The following PTPRT variants were observed in gnomAD, a reference collection of about 807,000 sequenced individuals.
PTPRT encodes protein tyrosine phosphatase receptor type T.
In PTPRT, 56 loss-of-function variants were observed where a neutral mutation model predicts 176.8. The observed-to-expected ratio is 0.32, with a 90% confidence interval of 0.26 to 0.40. The LOEUF (loss-of-function observed/expected upper bound fraction) is 0.40. Among genes scored for constraint, PTPRT ranks in the 10% least tolerant of loss-of-function variants. PTPRT has a pLI of 1.00. For missense variants in PTPRT, 1,540 were observed against 1,908.2 expected, an observed-to-expected ratio of 0.81 and a Z score of 3.60; for synonymous variants, 783 against 739.0, an observed-to-expected ratio of 1.06 and a Z score of -0.96.
intron 7 of PTPRT, among the ~76,000 whole-genome samples, chr20:42,544,515 CT>C (rs1445685277): frequency 6.6e-6 from 1 of 152,158 alleles, no homozygotes; most frequent in African/African-American, 2.4e-5. Context: ...CTCAAACTCT[CT>C]ATGTATCAGC....
At chr20:42,531,987 C>T (rs1225130141) in intron 7 of PTPRT, among the ~76,000 whole-genome samples, 1 of 152,200 alleles carries the variant, frequency 6.6e-6, no homozygotes, top group African/African-American at 2.4e-5. Flanking sequence ...GTGGGATAGA[C>T]AGATGCTTAA....
intron 6 of PTPRT, among the ~76,000 whole-genome samples, chr20:42,695,347 C>T (rs191643860): frequency 1.2e-3 from 183 of 152,290 alleles, no homozygotes; most frequent in African/African-American, 4.3e-3. Flanking sequence ...CATTCAGATT[C>T]CTGATGAAAT....
chr20:42,380,670 A>C (rs187691149), intron 9 of PTPRT, among the ~76,000 whole-genome samples: 1 of 152,310 alleles, frequency 6.6e-6, no homozygotes, highest in East Asian at 1.9e-4. Context: ...TTTGCATTGC[A>C]CTTATCATGC....
chr20:42,837,719 T>C (rs1337575696), intron 2 of PTPRT, among the ~76,000 whole-genome samples: 1 of 152,128 alleles, frequency 6.6e-6, no homozygotes, highest in Non-Finnish European at 1.5e-5. Context: ...AGAGTCCAGT[T>C]GCTACACGCA....
intron 27 of PTPRT, among the ~76,000 whole-genome samples, chr20:42,095,431 C>T (rs1026945659): frequency 1.1e-4 from 16 of 152,198 alleles, no homozygotes; most frequent in African/African-American, 3.6e-4. Flanking sequence ...GCACCAGGTG[C>T]ATGCCTACCC....
chr20:42,774,704 C>T (rs929980844), intron 4 of PTPRT, among the ~76,000 whole-genome samples: 3 of 152,190 alleles, frequency 2.0e-5, no homozygotes, highest in East Asian at 1.9e-4. Context: ...CCACTCCATG[C>T]GGTACGCGGT....
chr20:42,948,996 C>T (rs889420902), intron 1 of PTPRT, among the ~76,000 whole-genome samples: 16 of 152,176 alleles, frequency 1.1e-4, no homozygotes, highest in Admixed American at 9.2e-4. Flanking sequence ...ACACAACCAA[C>T]CCCCCATGTT....
chr20:42,487,780 A>T (rs1269151449), intron 7 of PTPRT, among the ~76,000 whole-genome samples: 1 of 152,188 alleles, frequency 6.6e-6, no homozygotes, highest in Non-Finnish European at 1.5e-5. Context: ...AATCAGTGTT[A>T]ACTGCTACGC....
intron 7 of PTPRT, among the ~76,000 whole-genome samples, chr20:42,583,947 T>A (rs1274535813): frequency 6.6e-6 from 1 of 152,164 alleles, no homozygotes; most frequent in African/African-American, 2.4e-5. Context: ...AATTCTAGAT[T>A]TGAGTCAATT....
At chr20:43,177,812 C>A (rs1043143229) in intron 1 of PTPRT, among the ~76,000 whole-genome samples, 1 of 152,188 alleles carries the variant, frequency 6.6e-6, no homozygotes, top group Non-Finnish European at 1.5e-5. Flanking sequence ...CAGTTTTAAA[C>A]TAAAAAATTC....
chr20:42,137,644 T>A (rs1988438892), intron 18 of PTPRT, among the ~76,000 whole-genome samples: 1 of 152,100 alleles, frequency 6.6e-6, no homozygotes, highest in South Asian at 2.1e-4. Context: ...GCCTGTGAAC[T>A]CAAAAAGGCT....
Position 42,745,042 on chromosome 20 carries a change from G to A in PTPRT, c.859+11420C>T, listed in dbSNP as rs145976798. 7.8e-4 allele frequency among the ~76,000 whole-genome samples: 119 copies of A among 152,282 alleles called. 3 individuals carry two copies. The East Asian group carries it at 0.02, about 26-fold the overall frequency. On this transcript the variant is annotated intron_variant, in intron 6 of 30. Coordinates refer to ENST00000373187, the MANE Select transcript of PTPRT (RefSeq NM_007050.6). ...TAGCAGAAAATTTCTCTCAGATCTC[G>A]GAAATGGGGAGTCAGTCTGCATTTA...
chr20:42,976,076 G>C, intron 1 of PTPRT, among the ~76,000 whole-genome samples: 1 of 152,158 alleles, frequency 6.6e-6, no homozygotes, highest in Admixed American at 6.6e-5. Context: ...ATACAGAGAG[G>C]AGGAACCTTG....
intron 1 of PTPRT, among the ~76,000 whole-genome samples, chr20:42,922,004 C>G (rs1445287197): frequency 6.6e-6 from 1 of 152,192 alleles, no homozygotes; most frequent in Non-Finnish European, 1.5e-5. Context: ...GGCATGATCT[C>G]AGCTCACTGC....
intron 6 of PTPRT, among the ~76,000 whole-genome samples, chr20:42,740,300 A>G (rs1196329395): frequency 6.6e-6 from 1 of 152,176 alleles, no homozygotes; most frequent in Non-Finnish European, 1.5e-5. Context: ...CTAGGATGTG[A>G]TCTGCACAGA....
chr20:43,123,681 T>C (rs2013347719), intron 1 of PTPRT, among the ~76,000 whole-genome samples: 1 of 152,140 alleles, frequency 6.6e-6, no homozygotes, highest in East Asian at 1.9e-4. Context: ...GAGGCAGAAA[T>C]CAATTTTTAT....
intron 9 of PTPRT, among the ~76,000 whole-genome samples, chr20:42,429,012 C>G (rs2059192326): frequency 6.6e-6 from 1 of 152,120 alleles, no homozygotes; most frequent in Admixed American, 6.5e-5. Context: ...ATTTCACCAT[C>G]ATTTATTGAG....
chr20:42,791,864 A>C (rs2077381203), intron 2 of PTPRT, among the ~76,000 whole-genome samples: 1 of 152,212 alleles, frequency 6.6e-6, no homozygotes, highest in Non-Finnish European at 1.5e-5. Context: ...GGTTGTTTCC[A>C]ATTCTTTATC....
chr20:42,400,142 A>C (rs573121849), intron 9 of PTPRT, among the ~76,000 whole-genome samples: 1 of 152,300 alleles, frequency 6.6e-6, no homozygotes, highest in South Asian at 2.1e-4. Context: ...GTGCCAGATT[A>C]CATTTTTTCT....
Sources: allele counts gnomAD v4.1 joint callset (sites outside exome capture counted in the v4.1 genomes callset), GRCh38; gene constraint gnomAD v4.1.1; transcripts MANE v1.5; gene names NCBI Gene and HGNC (gene_info 2026-07-23, HGNC 2026-07-21).